The following DNAAF5 variants were observed in gnomAD, a reference collection of about 807,000 sequenced individuals.
DNAAF5 encodes HEAT repeat containing 2.
DNAAF5 carries 64 observed loss-of-function variants against 75.8 expected under a neutral mutation model. The ratio of observed to expected loss-of-function variants is 0.84; its 90% confidence interval spans 0.69 to 1.04. The LOEUF (loss-of-function observed/expected upper bound fraction) is 1.04. Among genes scored for constraint, DNAAF5 ranks in the 50% least tolerant of loss-of-function variants. The pLI, the probability that DNAAF5 is intolerant of heterozygous loss-of-function variation, is 0.00. For missense variants in DNAAF5, 1,269 were observed against 1,178.5 expected, an observed-to-expected ratio of 1.08 and a Z score of -1.12; for synonymous variants, 657 against 557.2, an observed-to-expected ratio of 1.18 and a Z score of -2.52.
chr7:781,805 C>CTGAA (rs1778955959), intron 12 of DNAAF5, among the ~76,000 whole-genome samples: 3 of 152,222 alleles, frequency 2.0e-5, no homozygotes, highest in Non-Finnish European at 4.4e-5. Context: ...TGAGAGCTGT[C>CTGAA]TGTTCAGGTC....
intron 11 of DNAAF5, 82 bp downstream of exon 11, chr7:775,244 C>A: frequency 3.9e-6 from 5 of 1,273,872 alleles, no homozygotes; most frequent in South Asian, 2.5e-5. Flanking sequence ...TCCATGGAGT[C>A]ACCCAAACTC....
intron 2 of DNAAF5, among the ~76,000 whole-genome samples, chr7:738,248 G>C (rs1781796030): frequency 6.6e-6 from 1 of 152,066 alleles, no homozygotes; most frequent in African/African-American, 2.4e-5. Context: ...TTCTACGCCA[G>C]AATTTCTGCT....
chr7:785,279 G>A (rs183061624), intron 12 of DNAAF5, among the ~76,000 whole-genome samples: 18 of 148,574 alleles, frequency 1.2e-4, no homozygotes, highest in Admixed American at 7.3e-4. Flanking sequence ...CGGGTCACTC[G>A]TATCCACATT....
chr7:733,559 C>T (rs1043700173), intron 2 of DNAAF5, among the ~76,000 whole-genome samples: 5 of 152,030 alleles, frequency 3.3e-5, no homozygotes, highest in African/African-American at 7.2e-5. Context: ...TGCAGTGGTG[C>T]GATCTCTGCT....
In DNAAF5 at chr7:756,777, C is replaced by G; in HGVS notation, c.1258-5C>G. ...TCTGAGTTTTCTCATGTTTCTTTCT[C>G]GCAGTGTACCAGATCCGCAGAGCTC... is the stretch of plus-strand genomic sequence containing the variant. On this transcript the variant is annotated splice_polypyrimidine_tract_variant and splice_region_variant and intron_variant, in intron 5 of 12. Transcript: ENST00000297440. 1.9e-6 allele frequency: 3 copies of G among 1,611,876 alleles called. No individual in the cohort carries two copies. The highest frequency in any genetic ancestry group is 2.2e-5 in the East Asian group (1 of 44,832).
chr7:728,741 G>C (rs761209457), intron 1 of DNAAF5, among the ~76,000 whole-genome samples: 16 of 152,316 alleles, frequency 1.1e-4, no homozygotes, highest in Non-Finnish European at 2.4e-4. Context: ...GCCTGCTGGG[G>C]TATGTGCTCA....
At chr7:731,164 G>C (rs909580421) in intron 2 of DNAAF5, among the ~76,000 whole-genome samples, 1 of 152,150 alleles carries the variant, frequency 6.6e-6, no homozygotes, top group Non-Finnish European at 1.5e-5. Context: ...TCTGTGTCAT[G>C]GGCCAAGTCT....
chr7:783,644 T>C (rs1031443376), intron 12 of DNAAF5, among the ~76,000 whole-genome samples: 1 of 152,148 alleles, frequency 6.6e-6, no homozygotes, highest in Non-Finnish European at 1.5e-5. Flanking sequence ...TTGGAAATTG[T>C]TTAAAAGGAG....
intron 6 of DNAAF5, among the ~76,000 whole-genome samples, chr7:759,246 G>A (rs376369290): frequency 2.9e-4 from 44 of 152,204 alleles, no homozygotes; most frequent in Non-Finnish European, 5.4e-4. Flanking sequence ...AGAGAAGTCC[G>A]TGTAAATGTA....
At chr7:784,599 C>T (rs1779090701) in intron 12 of DNAAF5, among the ~76,000 whole-genome samples, 2 of 152,174 alleles carry the variant, frequency 1.3e-5, no homozygotes, top group African/African-American at 4.8e-5. Flanking sequence ...CCACCACGAG[C>T]CCCTGACACG....
rs753549075 is a variant in DNAAF5, at chr7:770,617, G to T, written c.1930G>T (p.Gly644Trp). The T allele has an allele frequency of 3.7e-6, 6 of 1,613,078 alleles. No individual in the cohort carries two copies. In the Admixed American group the frequency reaches 1.0e-4, roughly 27 times the overall value. Residue 644 changes from glycine to tryptophan, a missense_variant and splice_region_variant, in exon 9 of 13, where the codon GGG becomes TGG. By Grantham distance (184) the Gly-to-Trp change is radical (BLOSUM62 -2). Transcript: ENST00000297440. ...AGCCACGGACACCATCAACTCCCAGGGGTAGGTCCGGGCTCTGCCTCTGCA... is the reference window on the plus strand; with the variant it reads ...AGCCACGGACACCATCAACTCCCAGTGGTAGGTCCGGGCTCTGCCTCTGCA... ...LRATDTINSQ[G>W]QFPSYLETVT...
At position 727,102 on chromosome 7, in the gene DNAAF5, C is replaced by T. The variant is rs998645747; in HGVS notation, c.382C>T (p.Pro128Ser). Residue 128 changes from proline (P) to serine (S), a missense_variant, in exon 1 of 13, where the codon CCC becomes TCC. Transcript: ENST00000297440. Reference sequence around the variant, plus strand: ...CGCGCTCGCCGCGCGCTTGGCCGGCCCCGTGCCCGCGCGCCGCCCGCCCGA... The same window carrying T: ...CGCGCTCGCCGCGCGCTTGGCCGGCTCCGTGCCCGCGCGCCGCCCGCCCGA... The part of the protein sequence containing the change: ...LPALAARLAG[P>S]VPARRPPEAC... 1.8e-4 allele frequency: 196 copies of T among 1,084,758 alleles called. No individual in the cohort carries two copies. Among genetic ancestry groups the T allele is most frequent in the Non-Finnish European group, 2.1e-4 (191 of 897,476 alleles). 67.2% of individuals were successfully genotyped at this position (1,084,758 alleles called of 1,614,324 possible).
intron 4 of DNAAF5, among the ~76,000 whole-genome samples, chr7:753,803 C>T (rs1782388230): frequency 6.9e-6 from 1 of 144,238 alleles, no homozygotes; most frequent in South Asian, 2.2e-4. Context: ...GCGATGGCTT[C>T]GCAGGCGTGT....
At chr7:732,436 C>T (rs1288455333) in intron 2 of DNAAF5, 3 of 434,740 alleles carry the variant, frequency 6.9e-6, no homozygotes, top group African/African-American at 2.0e-5. Context: ...GTCGCCAGGC[C>T]TGCAGTCGGC....
intron 3 of DNAAF5, 148 bp from the exon 4 acceptor site, chr7:741,199 T>C: frequency 1.4e-6 from 1 of 690,298 alleles, no homozygotes; most frequent in Non-Finnish European, 2.4e-6. Flanking sequence ...CAAGATGAAG[T>C]GGAATTTCTG....
In DNAAF5 at chr7:756,899, G is replaced by A. The variant is rs201942359; in HGVS notation, c.1375G>A (p.Ala459Thr). The A allele has an allele frequency of 8.4e-5, 135 of 1,612,602 alleles. No homozygotes were observed. The highest frequency in any genetic ancestry group is 3.8e-4 in the East Asian group (17 of 44,878). Residue 459 changes from alanine (A) to threonine (T), a missense_variant, in exon 6 of 13, where the codon GCC (alanine) becomes ACC (threonine). By Grantham distance (58) the Ala-to-Thr change is moderately conservative (BLOSUM62 0). Coordinates refer to ENST00000297440, the MANE Select transcript of DNAAF5 (RefSeq NM_017802.4). ...CTCCGGCCTCCTGGTGCTGGCCTCC[G>A]CCATGCGGGGTTGCCCCCGAGAAGC... The part of the protein sequence containing the change: ...SASGLLVLAS[A>T]MRGCPREALQ...
chr7:735,253 GTGT>G (rs1484821733), intron 2 of DNAAF5, among the ~76,000 whole-genome samples: 13 of 139,474 alleles, frequency 9.3e-5, no homozygotes, highest in Non-Finnish European at 1.4e-4. Context: ...GTTGCTCGTG[GTGT>G]TGTTCTTCAT....
chr7:769,405 G>T (rs895786439), intron 8 of DNAAF5, among the ~76,000 whole-genome samples: 18 of 152,192 alleles, frequency 1.2e-4, no homozygotes, highest in Non-Finnish European at 2.4e-4. Context: ...TTACAGGGAG[G>T]CGGGGCGGCC....
At position 740,858 on chromosome 7, in the gene DNAAF5, C is replaced by T. The variant is rs2128072829; in HGVS notation, c.820C>T (p.Leu274=). 2 of 1,614,086 alleles carry T rather than the reference C, an allele frequency of 1.2e-6. No homozygotes were observed. The highest frequency in any genetic ancestry group is 1.7e-4 in the Middle Eastern group (1 of 6,060). Residue 274 remains leucine (L), a synonymous_variant, in exon 3 of 13, where the codon CTG becomes TTG. Coordinates refer to ENST00000297440, the MANE Select transcript of DNAAF5 (RefSeq NM_017802.4). ...GGCCTCCGTGGTGGGCGGCTGGCTG[C>T]TGTGTCTGCGTGACCGTTACTCCTT... ...AVASVVGGWL[L]CLRDRYSFFH...
Sources: allele counts gnomAD v4.1 joint callset (sites outside exome capture counted in the v4.1 genomes callset), GRCh38; gene constraint gnomAD v4.1.1; transcripts MANE v1.5; gene names NCBI Gene and HGNC (gene_info 2026-07-23, HGNC 2026-07-21).